Variants in SLC18A1 observed in about 807,000 individuals in gnomAD.
The protein encoded by SLC18A1 is solute carrier family 18 member A1, also known as chromaffin granule amine transporter.
SLC18A1 carries 69 observed loss-of-function variants against 53.7 expected under a neutral mutation model. The ratio of observed to expected loss-of-function variants is 1.28; its 90% CI spans 1.06 to 1.57. The LOEUF is 1.57. SLC18A1 is among the 40% of genes most tolerant of loss of function. The probability of loss-of-function intolerance (pLI) is 0.00; values close to 1 mark genes in which losing one functional copy is unlikely to be tolerated. For synonymous variants in SLC18A1, 320 were observed against 248.1 expected, an observed-to-expected ratio of 1.29 and a Z score of -2.72; for missense variants, 932 against 668.1, an observed-to-expected ratio of 1.40 and a Z score of -4.35.
intron 15 of SLC18A1, 111 bp downstream of exon 15, chr8:20,147,147 T>C: frequency 8.8e-7 from 1 of 1,140,192 alleles, no homozygotes; most frequent in Non-Finnish European, 1.2e-6. Context: ...GCAGAGAGAG[T>C]ATCAACAGAG....
rs1209249585 is a variant in SLC18A1, at chr8:20,174,347, G to C, written c.631+14C>G. The C allele has an allele frequency of 6.3e-7, 1 of 1,593,084 alleles. No individual in the cohort carries two copies. The highest frequency in any genetic ancestry group is 8.6e-7 in the Non-Finnish European group (1 of 1,160,886). On this transcript the variant is annotated intron_variant, in intron 5 of 15. Coordinates refer to ENST00000276373, the MANE Select transcript of SLC18A1 (RefSeq NM_003053.4). ...GCCTGCATGTGTGTGTGCATGATGA[G>C]TTGCCAGTGTTACCTGCAACAGATG...
At chr8:20,171,690 G>GTT (rs202029905) in intron 6 of SLC18A1, among the ~76,000 whole-genome samples, 196 bp from the exon 7 acceptor site, 16 of 150,046 alleles carry the variant, frequency 1.1e-4, no homozygotes, top group Admixed American at 2.0e-4. Flanking sequence ...AAGTGTGTGT[G>GTT]TGTGTGTGTG....
chr8:20,150,549 T>A (rs531475363), intron 11 of SLC18A1, 117 bp downstream of exon 11: 1 of 890,952 alleles, frequency 1.1e-6, no homozygotes, highest in Non-Finnish European at 1.9e-6. Context: ...TTTTTATCGG[T>A]GTGTACTCAT....
chr8:20,162,073 G>C (rs2071844536), intron 10 of SLC18A1, among the ~76,000 whole-genome samples: 1 of 152,192 alleles, frequency 6.6e-6, no homozygotes, highest in African/African-American at 2.4e-5. Flanking sequence ...CTCCAGAGTG[G>C]GAGGCCAGGC....
chr8:20,178,399 C>T, intron 4 of SLC18A1, 36 bp downstream of exon 4: 3 of 1,540,366 alleles, frequency 1.9e-6, no homozygotes, highest in Non-Finnish European at 2.7e-6. Flanking sequence ...CAAAGGTAAT[C>T]AGTGAAGGGA....
At chr8:20,147,787 C>G in intron 13 of SLC18A1, 65 bp from the exon 14 acceptor site, 1 of 1,591,758 alleles carries the variant, frequency 6.3e-7, no homozygotes, top group East Asian at 2.3e-5. Context: ...CGCCTCTCCT[C>G]CTCCATTTAG....
In SLC18A1 at chr8:20,168,447, A is replaced by C. The variant is rs891599972; in HGVS notation, c.858+2656T>G. On this transcript the variant is annotated intron_variant, in intron 8 of 15. Coordinates refer to ENST00000276373, the MANE Select transcript of SLC18A1 (RefSeq NM_003053.4). Reference sequence around the variant, plus strand: ...GATTCTACACTGATAATATCAGATAAATAAATGTTTTTTAAGTTTTTTGTG... The same window carrying C: ...GATTCTACACTGATAATATCAGATACATAAATGTTTTTTAAGTTTTTTGTG... Among the ~76,000 whole-genome samples, 23 of 152,156 alleles carry C rather than the reference A, an allele frequency of 1.5e-4. 2 individuals carry two copies. Among genetic ancestry groups the C allele is most frequent in the African/African-American group, 5.1e-4 (21 of 41,392 alleles).
intron 3 of SLC18A1, 38 bp from the exon 4 acceptor site, chr8:20,178,531 A>G (rs943459229): frequency 2.7e-5 from 40 of 1,468,124 alleles, no homozygotes; most frequent in Non-Finnish European, 3.8e-5. Flanking sequence ...TACAATTCCA[A>G]CAGGCACTCA....
chr8:20,166,685 T>C lies in SLC18A1; in HGVS notation c.859-1578A>G, dbSNP rs538557080. ...TCCTATATATTAAAAAAATAAATTA[T>C]ATTAGTGTTATGGGCTGAATGGAGT... On this transcript the variant is annotated intron_variant, in intron 8 of 15. Coordinates refer to ENST00000276373, the MANE Select transcript of SLC18A1 (RefSeq NM_003053.4). Among the ~76,000 whole-genome samples, 6 of 152,070 alleles carry C rather than the reference T, an allele frequency of 3.9e-5. No homozygotes were observed. In the South Asian group the frequency reaches 1.0e-3, roughly 26 times the overall value.
intron 11 of SLC18A1, 131 bp from the exon 12 acceptor site, chr8:20,149,858 C>G: frequency 1.3e-6 from 1 of 746,230 alleles, no homozygotes; most frequent in Admixed American, 2.2e-5. Flanking sequence ...GGACAGCATC[C>G]CTACATGACC....
chr8:20,172,972 C>T lies in SLC18A1; in HGVS notation c.724+64G>A, dbSNP rs149189752. 1,055 of 1,206,182 alleles carry T rather than the reference C, an allele frequency of 8.7e-4. 9 individuals are homozygous for T. In the African/African-American group the frequency reaches 0.014, roughly 16 times the overall value. 74.7% of individuals were successfully genotyped at this position (1,206,182 alleles called of 1,614,324 possible). A position where few individuals can be genotyped will look rare whatever the true frequency, so the allele number is the denominator to read the frequency against. On this transcript the variant is annotated intron_variant, in intron 6 of 15. Transcript: ENST00000276373. ...AGGAAAATACTCGTCTTCTACACCT[C>T]GGGAACACCTGCTTCCTAGAGTCCC...
At position 20,173,133 on chromosome 8, in the gene SLC18A1, GC is replaced by G; in HGVS notation, c.632-6del. The G allele has an allele frequency of 6.4e-7, 1 of 1,563,490 alleles. No individual in the cohort carries two copies. The highest frequency in any genetic ancestry group is 1.2e-5 in the South Asian group (1 of 84,940). On this transcript the variant is annotated splice_region_variant and splice_polypyrimidine_tract_variant and intron_variant, in intron 5 of 15. Transcript: ENST00000276373. ...CACTGGCCAGCATTCCAAGACCTGC[GC>G]AGAGAGTTACAGATGCAGCTGGCCC...
In SLC18A1 at chr8:20,155,464, T is replaced by C. The variant is rs533476552; in HGVS notation, c.1016-4720A>G. Among the ~76,000 whole-genome samples the C allele has an allele frequency of 1.3e-4, 20 of 152,182 alleles. 1 individual carries two copies. Among genetic ancestry groups the C allele is most frequent in the Admixed American group, 4.6e-4 (7 of 15,290 alleles). On this transcript the variant is annotated intron_variant, in intron 10 of 15. Transcript: ENST00000276373. ...GTCTGCCTGGAACCAGCTTCTGCTT[T>C]CACAATTTTCTTGGGGGAAGCCGAA... is the stretch of plus-strand genomic sequence containing the variant.
At chr8:20,163,758 C>A (rs1037210370) in intron 10 of SLC18A1, among the ~76,000 whole-genome samples, 7 of 152,154 alleles carry the variant, frequency 4.6e-5, no homozygotes, top group Non-Finnish European at 1.0e-4. Context: ...GTTGGACAAC[C>A]TTTGATGTCA....
At chr8:20,174,684 A>G (rs1411779698) in intron 4 of SLC18A1, among the ~76,000 whole-genome samples, 2 of 152,188 alleles carry the variant, frequency 1.3e-5, no homozygotes, top group African/African-American at 2.4e-5. Context: ...ACCACACAGC[A>G]GATGGAAGGC....
intron 4 of SLC18A1, chr8:20,175,922 T>G (rs2072240984): frequency 6.6e-6 from 1 of 152,202 alleles, no homozygotes; most frequent in African/African-American, 2.4e-5. Flanking sequence ...CTTTTCTGTC[T>G]ACTCTCCCAA....
chr8:20,171,340 A>T, intron 7 of SLC18A1, 65 bp downstream of exon 7: 1 of 1,417,544 alleles, frequency 7.1e-7, no homozygotes. Context: ...GACTGACACT[A>T]CAACATAATG....
intron 10 of SLC18A1, among the ~76,000 whole-genome samples, chr8:20,151,696 G>A (rs1393657401): frequency 6.6e-6 from 1 of 152,182 alleles, no homozygotes; most frequent in Non-Finnish European, 1.5e-5. Flanking sequence ...ATGGGCTTTG[G>A]AGCCACACAA....
chr8:20,168,164 A>G (rs1296651785), intron 8 of SLC18A1, among the ~76,000 whole-genome samples: 2 of 152,240 alleles, frequency 1.3e-5, no homozygotes, highest in East Asian at 1.9e-4. Flanking sequence ...ACGGGAGGCC[A>G]GGAGTTCAAG....
Sources: allele counts gnomAD v4.1 joint callset (sites outside exome capture counted in the v4.1 genomes callset), GRCh38; gene constraint gnomAD v4.1.1; transcripts MANE v1.5; gene names NCBI Gene and HGNC (gene_info 2026-07-23, HGNC 2026-07-21).